The following CTNND2 variants were observed in gnomAD, a reference collection of about 807,000 sequenced individuals.
CTNND2 encodes the protein catenin delta-2.
In CTNND2, 22 loss-of-function variants were observed where a neutral mutation model predicts 144.4. That is an observed-to-expected ratio of 0.15 (90% confidence interval 0.11 to 0.22). The LOEUF is 0.22. Among genes scored for constraint, CTNND2 ranks in the 10% least tolerant of loss-of-function variants. The pLI is 1.00. For synonymous variants in CTNND2, 751 were observed against 695.6 expected (o/e 1.08, Z -1.25); for missense variants, 1,353 against 1,618.8 (o/e 0.84, Z 2.82).
chr5:11,825,226 G>A (rs547600053), intron 1 of CTNND2, among the ~76,000 whole-genome samples: 2 of 152,224 alleles, frequency 1.3e-5, no homozygotes, highest in South Asian at 2.1e-4. Flanking sequence ...GTGGGAACAC[G>A]CACAAAGTGA....
At chr5:11,006,507 G>A (rs966858719) in intron 18 of CTNND2, among the ~76,000 whole-genome samples, 2 of 152,246 alleles carry the variant, frequency 1.3e-5, no homozygotes, top group African/African-American at 4.8e-5. Context: ...CACCTGTCCA[G>A]GATGACTACA....
chr5:11,590,279 G>A (rs571571504), intron 2 of CTNND2, among the ~76,000 whole-genome samples: 133 of 152,156 alleles, frequency 8.7e-4, no homozygotes, highest in African/African-American at 3.0e-3. Flanking sequence ...TCCTGACCTC[G>A]TGATCCGCCT....
chr5:11,841,956 T>C (rs538784477), intron 1 of CTNND2, among the ~76,000 whole-genome samples: 1 of 152,076 alleles, frequency 6.6e-6, no homozygotes, highest in South Asian at 2.1e-4. Context: ...GCTCTCTTCT[T>C]TTTAATCTGA....
rs527604366 is a variant in CTNND2, at chr5:11,077,778, C to A, written c.2788+4918G>T. 3.3e-5 allele frequency among the ~76,000 whole-genome samples: 5 copies of A among 152,124 alleles called. No individual in the cohort carries two copies. In the East Asian group the frequency reaches 9.6e-4, roughly 29 times the overall value. On this transcript the variant is annotated intron_variant, in intron 16 of 21. Coordinates refer to ENST00000304623, the MANE Select transcript of CTNND2 (RefSeq NM_001332.4). ...GAGAGGGATGATGAGAGTTTTGGAC[C>A]AGAGAGAAAGCAATGAAGATGAAGA...
At chr5:11,897,128 C>A (rs1363071584) in intron 1 of CTNND2, among the ~76,000 whole-genome samples, 1 of 152,202 alleles carries the variant, frequency 6.6e-6, no homozygotes, top group East Asian at 1.9e-4. Context: ...CAATGCTCCA[C>A]ACCAGTGAAG....
intron 1 of CTNND2, among the ~76,000 whole-genome samples, chr5:11,811,607 A>G (rs1792339251): frequency 6.6e-6 from 1 of 152,184 alleles, no homozygotes; most frequent in Admixed American, 6.5e-5. Context: ...TGGATGCCCT[A>G]GTTTTATATT....
At chr5:11,296,953 T>C (rs1018229215) in intron 9 of CTNND2, among the ~76,000 whole-genome samples, 19 of 152,214 alleles carry the variant, frequency 1.2e-4, no homozygotes, top group Non-Finnish European at 2.4e-4. Flanking sequence ...CTGCACGTTG[T>C]GCACATGTAC....
chr5:11,340,220 G>A (rs546978771), intron 9 of CTNND2, among the ~76,000 whole-genome samples: 29 of 152,206 alleles, frequency 1.9e-4, no homozygotes, highest in African/African-American at 6.5e-4. Flanking sequence ...ACCTCCTCCC[G>A]CGGTACCGCT....
At chr5:11,373,089 C>T (rs922659991) in intron 7 of CTNND2, among the ~76,000 whole-genome samples, 2 of 152,238 alleles carry the variant, frequency 1.3e-5, no homozygotes, top group Non-Finnish European at 2.9e-5. Context: ...CTGTGCTGGC[C>T]ATGACAACTG....
chr5:10,986,527 T>C (rs1181193278), intron 20 of CTNND2: 1 of 431,082 alleles, frequency 2.3e-6, no homozygotes, highest in Non-Finnish European at 4.6e-6. Flanking sequence ...AATGGGATCC[T>C]CTGCCGAATG....
intron 8 of CTNND2, among the ~76,000 whole-genome samples, chr5:11,362,582 G>A (rs566146494): frequency 4.6e-5 from 7 of 152,242 alleles, no homozygotes; most frequent in South Asian, 2.1e-4. Context: ...ATAGTATTAC[G>A]TCAATCAGCA....
At chr5:11,404,973 A>C (rs1760975104) in intron 5 of CTNND2, among the ~76,000 whole-genome samples, 1 of 152,152 alleles carries the variant, frequency 6.6e-6, no homozygotes, top group African/African-American at 2.4e-5. Flanking sequence ...TGTTACTGAG[A>C]GAGTCCTCTC....
chr5:11,612,671 G>A (rs1780388423), intron 2 of CTNND2, among the ~76,000 whole-genome samples: 1 of 152,130 alleles, frequency 6.6e-6, no homozygotes, highest in South Asian at 2.1e-4. Context: ...GGGCCAAGGT[G>A]GGAGGATTGC....
chr5:10,990,157 C>A (rs182750114), intron 19 of CTNND2, among the ~76,000 whole-genome samples: 7 of 152,332 alleles, frequency 4.6e-5, no homozygotes, highest in Admixed American at 4.6e-4. Context: ...CCTCCCTGAT[C>A]CACAGTGACC....
At chr5:11,564,460 G>C (rs532764396) in intron 3 of CTNND2, among the ~76,000 whole-genome samples, 25 of 152,144 alleles carry the variant, frequency 1.6e-4, no homozygotes, top group Non-Finnish European at 3.2e-4. Context: ...TTATGTTTAT[G>C]AATGAGGAAA....
chr5:11,747,013 A>G (rs1788348304), intron 1 of CTNND2, among the ~76,000 whole-genome samples: 1 of 152,174 alleles, frequency 6.6e-6, no homozygotes, highest in Non-Finnish European at 1.5e-5. Context: ...CAAACCATAT[A>G]TATTTCTACC....
At chr5:11,085,260 T>C (rs959722952) in intron 15 of CTNND2, among the ~76,000 whole-genome samples, 14 of 152,260 alleles carry the variant, frequency 9.2e-5, no homozygotes, top group African/African-American at 3.4e-4. Flanking sequence ...AGCAGTGATG[T>C]GTTTTCCCTA....
intron 2 of CTNND2, among the ~76,000 whole-genome samples, chr5:11,567,164 T>A (rs2062752392): frequency 6.6e-6 from 1 of 152,270 alleles, no homozygotes; most frequent in African/African-American, 2.4e-5. Context: ...TTTTTTTATT[T>A]TTTTTTTAAT....
chr5:11,488,070 C>T (rs1427744441), intron 3 of CTNND2, among the ~76,000 whole-genome samples: 3 of 152,140 alleles, frequency 2.0e-5, no homozygotes, highest in African/African-American at 7.2e-5. Flanking sequence ...TGGCAATTTG[C>T]GCAGCTACAA....
Sources: allele counts gnomAD v4.1 joint callset (sites outside exome capture counted in the v4.1 genomes callset), GRCh38; gene constraint gnomAD v4.1.1; transcripts MANE v1.5; gene names NCBI Gene and HGNC (gene_info 2026-07-23, HGNC 2026-07-21).